The following ARHGEF3 variants were observed in gnomAD, a reference collection of about 807,000 sequenced individuals.
The protein encoded by ARHGEF3 is 59.8 kDA protein.
A neutral mutation model predicts 63.2 loss-of-function variants in ARHGEF3; 28 were observed. The observed-to-expected ratio is 0.44, with a 90% CI of 0.33 to 0.61. The LOEUF (loss-of-function observed/expected upper bound fraction) is 0.61. Ranked by LOEUF, ARHGEF3 falls within the 20% of genes least tolerant of loss-of-function variation. ARHGEF3 has a pLI of 0.03. For synonymous variants in ARHGEF3, 266 were observed against 254.2 expected (o/e 1.05, Z -0.44); for missense variants, 533 against 659.3 (o/e 0.81, Z 2.10).
intron 9 of ARHGEF3, among the ~76,000 whole-genome samples, chr3:56,731,197 A>G (rs2033129969): frequency 6.6e-6 from 1 of 152,154 alleles, no homozygotes; most frequent in Admixed American, 6.5e-5. Context: ...TAACCCAGGA[A>G]GCTCAAACGT....
At chr3:56,909,587 G>A (rs773008372) in intron 3 of ARHGEF3, among the ~76,000 whole-genome samples, 4 of 152,228 alleles carry the variant, frequency 2.6e-5, no homozygotes, top group Admixed American at 6.5e-5. Flanking sequence ...AAGATAAGAT[G>A]AAACAATCCC....
intron 3 of ARHGEF3, among the ~76,000 whole-genome samples, chr3:56,914,939 C>G (rs2041946380): frequency 6.6e-6 from 1 of 151,896 alleles, no homozygotes; most frequent in Non-Finnish European, 1.5e-5. Context: ...GGTTGCACAA[C>G]ATTATGAATG....
At chr3:57,078,561 G>C (rs1417616795) in intron 1 of ARHGEF3, 1 of 152,398 alleles carries the variant, frequency 6.6e-6, no homozygotes, top group Non-Finnish European at 1.5e-5. Context: ...CTCTGGCTGC[G>C]AGGCACCCAC....
At chr3:56,775,230 A>G (rs1304327579) in intron 1 of ARHGEF3, 1 of 1,331,506 alleles carries the variant, frequency 7.5e-7, no homozygotes, top group South Asian at 2.0e-5. Flanking sequence ...CGTTCTGAAC[A>G]TAGTAGGTGC....
At chr3:56,965,235 A>G (rs1700440992) in intron 2 of ARHGEF3, among the ~76,000 whole-genome samples, 1 of 152,194 alleles carries the variant, frequency 6.6e-6, no homozygotes, top group Non-Finnish European at 1.5e-5. Context: ...AGTCTGGGCA[A>G]CCATAAGAAG....
At chr3:56,824,678 A>C (rs1161480666) in intron 4 of ARHGEF3, among the ~76,000 whole-genome samples, 4 of 152,254 alleles carry the variant, frequency 2.6e-5, no homozygotes, top group Admixed American at 2.6e-4. Flanking sequence ...TTCAGAGCTG[A>C]TGACCAGCTT....
At chr3:56,934,068 T>C (rs551775142) in intron 3 of ARHGEF3, among the ~76,000 whole-genome samples, 1 of 152,352 alleles carries the variant, frequency 6.6e-6, no homozygotes, top group East Asian at 1.9e-4. Flanking sequence ...AATGCAAAAC[T>C]GTGAGTCAGT....
At chr3:56,750,064 C>T (rs1259047692) in intron 6 of ARHGEF3, among the ~76,000 whole-genome samples, 1 of 152,204 alleles carries the variant, frequency 6.6e-6, no homozygotes, top group African/African-American at 2.4e-5. Context: ...CTAATATTAG[C>T]TGTTGTGGTA....
intron 1 of ARHGEF3, chr3:56,774,898 A>AAAAC (rs1007645842): frequency 6.4e-6 from 7 of 1,098,198 alleles, no homozygotes; most frequent in South Asian, 2.0e-5. Flanking sequence ...AAAAAAACAA[A>AAAAC]AAACAAACAA....
At chr3:57,058,409 G>T (rs1454628151) in intron 1 of ARHGEF3, among the ~76,000 whole-genome samples, 1 of 152,034 alleles carries the variant, frequency 6.6e-6, no homozygotes, top group African/African-American at 2.4e-5. Flanking sequence ...GTACCCAATG[G>T]GTTTGTTTCA....
At chr3:57,038,006 A>G (rs892145389) in intron 1 of ARHGEF3, among the ~76,000 whole-genome samples, 3 of 152,278 alleles carry the variant, frequency 2.0e-5, no homozygotes, top group African/African-American at 7.2e-5. Flanking sequence ...GGACATTGAC[A>G]TGGATTGTTG....
intron 4 of ARHGEF3, among the ~76,000 whole-genome samples, chr3:56,875,418 C>A (rs1429310944): frequency 6.6e-6 from 1 of 152,206 alleles, no homozygotes; most frequent in Non-Finnish European, 1.5e-5. Context: ...TTCATTCATT[C>A]ATTCACCCAT....
intron 1 of ARHGEF3, among the ~76,000 whole-genome samples, chr3:57,059,491 CGTGT>C (rs1705104389): frequency 9.6e-6 from 1 of 104,450 alleles, no homozygotes; most frequent in Non-Finnish European, 1.9e-5. Context: ...TGTTCTTCCC[CGTGT>C]GTGTATGAGT....
At chr3:56,795,583 GAGCCACTCCTTTCCC>G (rs2107939567) in intron 1 of ARHGEF3, among the ~76,000 whole-genome samples, 1 of 151,298 alleles carries the variant, frequency 6.6e-6, no homozygotes, top group African/African-American at 2.4e-5. Flanking sequence ...GACTTAAAAA[GAGCCACTCCTTTCCC>G]AGCCAGTAGA....
chr3:57,048,439 T>C (rs1348537063), intron 1 of ARHGEF3, among the ~76,000 whole-genome samples: 2 of 152,160 alleles, frequency 1.3e-5, no homozygotes, highest in South Asian at 4.1e-4. Flanking sequence ...AGAGCAAGAC[T>C]ACAACTTCTA....
chr3:56,823,165 C>T (rs1312535830), intron 4 of ARHGEF3, among the ~76,000 whole-genome samples: 3 of 152,182 alleles, frequency 2.0e-5, no homozygotes, highest in Non-Finnish European at 4.4e-5. Flanking sequence ...TCATTATTAT[C>T]CTATAGTTTC....
At chr3:57,059,781 A>G (rs922815670) in intron 1 of ARHGEF3, among the ~76,000 whole-genome samples, 30 of 147,102 alleles carry the variant, frequency 2.0e-4, no homozygotes, top group African/African-American at 7.3e-4. Flanking sequence ...CAGATCACCT[A>G]AGGTCCAGAG....
intron 1 of ARHGEF3, among the ~76,000 whole-genome samples, chr3:57,075,746 G>A (rs1048496606): frequency 2.2e-4 from 33 of 152,186 alleles, no homozygotes; most frequent in African/African-American, 7.5e-4. Context: ...AGAGGCAGAT[G>A]TTGCAGTGAG....
chr3:56,952,046 C>A (rs1699836726), intron 3 of ARHGEF3, among the ~76,000 whole-genome samples: 1 of 151,966 alleles, frequency 6.6e-6, no homozygotes, highest in Admixed American at 6.6e-5. Flanking sequence ...CCCTTGGGTG[C>A]AATCAGAACC....
Sources: gnomAD v4.1 joint callset for allele counts (sites outside exome capture counted in the v4.1 genomes callset) on GRCh38, gnomAD v4.1.1 for gene constraint, MANE v1.5 for transcripts, NCBI Gene and HGNC (gene_info 2026-07-23, HGNC 2026-07-21) for gene names.